Variants in ARCN1 observed in about 807,000 individuals in gnomAD.
The protein encoded by ARCN1 is coatomer subunit delta.
In ARCN1, 5 loss-of-function variants were observed where a neutral mutation model predicts 60.4. The observed-to-expected ratio is 0.08, with a 90% CI of 0.04 to 0.17. The LOEUF (loss-of-function observed/expected upper bound fraction) is 0.17. Ranked by LOEUF, ARCN1 falls within the 10% of genes least tolerant of loss-of-function variation. The pLI, the probability that ARCN1 is intolerant of heterozygous loss-of-function variation, is 1.00. For synonymous variants in ARCN1, 224 were observed against 220.0 expected (o/e 1.02, Z -0.16); for missense variants, 464 against 626.5 (o/e 0.74, Z 2.77).
At chr11:118,581,935 C>CACACACACACACACAA (rs1938661315) in intron 2 of ARCN1, among the ~76,000 whole-genome samples, 1 of 132,042 alleles carries the variant, frequency 7.6e-6, no homozygotes, top group Non-Finnish European at 1.7e-5. Flanking sequence ...GACAGACAGA[C>CACACACACACACACAA]AGACACACAC....
intron 5 of ARCN1, among the ~76,000 whole-genome samples, chr11:118,585,202 A>T (rs1314791913): frequency 1.3e-5 from 2 of 152,064 alleles, no homozygotes; most frequent in Non-Finnish European, 2.9e-5. Context: ...AGCTCAGTTA[A>T]TCTTCCTGCC....
chr11:118,575,411 G>GGTGTGT (rs56934953), intron 1 of ARCN1, among the ~76,000 whole-genome samples: 3,859 of 149,148 alleles, frequency 0.026, 156 homozygotes, highest in African/African-American at 0.084. Flanking sequence ...ACTGATAACG[G>GGTGTGT]GTGTGTGTGT....
intron 6 of ARCN1, among the ~76,000 whole-genome samples, chr11:118,591,387 G>A (rs1938905281): frequency 1.3e-5 from 2 of 152,032 alleles, no homozygotes; most frequent in African/African-American, 4.8e-5. Flanking sequence ...TTTCTGTTTT[G>A]TTTTGTTTTG....
At chr11:118,592,027 TCTC>T (rs1938924588) in intron 6 of ARCN1, among the ~76,000 whole-genome samples, 1 of 151,858 alleles carries the variant, frequency 6.6e-6, no homozygotes, top group South Asian at 2.1e-4. Context: ...TTCAAGCCAT[TCTC>T]CTGCCTCAGC....
At chr11:118,584,418 C>T (rs1938731330) in intron 4 of ARCN1, 62 bp from the exon 5 acceptor site, 5 of 1,463,990 alleles carry the variant, frequency 3.4e-6, no homozygotes, top group Non-Finnish European at 4.6e-6. Context: ...AAATTTTCAT[C>T]AGATCATGTG....
At chr11:118,592,461 A>C (rs1053390160) in intron 6 of ARCN1, among the ~76,000 whole-genome samples, 6 of 152,154 alleles carry the variant, frequency 3.9e-5, no homozygotes, top group Non-Finnish European at 5.9e-5. Flanking sequence ...TTCAGGTGCA[A>C]ACTTGTTCTG....
At chr11:118,573,955 T>G (rs1555072975) in intron 1 of ARCN1, among the ~76,000 whole-genome samples, 4 of 152,250 alleles carry the variant, frequency 2.6e-5, no homozygotes, top group Non-Finnish European at 5.9e-5. Flanking sequence ...GAGCATATTT[T>G]TATTTTAATA....
Position 118,597,787 on chromosome 11 carries a change from G to C in ARCN1, c.1322G>C (p.Cys441Ser). 6.2e-7 allele frequency: 1 copy of C among 1,614,172 alleles called. No individual in the cohort carries two copies. Among genetic ancestry groups the C allele is most frequent in the Non-Finnish European group, 8.5e-7 (1 of 1,180,044 alleles). The part of the protein sequence containing the change: ...HDSRRNTLEW[C>S]LPVIDAKNKS... ...AGTCGACGAAATACCCTGGAGTGGT[G>C]CCTGCCTGTGATTGATGCCAAAAAT... The change falls in exon 9 of 10, where the codon TGC (cysteine) becomes TCC (serine). Residue 441 changes from cysteine (C) to serine (S), a missense_variant. Physicochemically the swap from Cys to Ser is moderately radical, Grantham distance 112 (BLOSUM62 -1). Coordinates refer to ENST00000264028, the MANE Select transcript of ARCN1 (RefSeq NM_001655.5).
intron 1 of ARCN1, among the ~76,000 whole-genome samples, chr11:118,579,292 T>C (rs1938595469): frequency 1.3e-5 from 2 of 152,112 alleles, no homozygotes. Context: ...CAATGTGAAA[T>C]GATCCCAAAT....
chr11:118,576,484 C>G (rs1754447277), intron 1 of ARCN1, among the ~76,000 whole-genome samples: 1 of 148,068 alleles, frequency 6.8e-6, no homozygotes, highest in Non-Finnish European at 1.5e-5. Flanking sequence ...TTAATTCTTC[C>G]TCAGAGAAAA....
chr11:118,582,409 C>A (rs1312722272), intron 2 of ARCN1, among the ~76,000 whole-genome samples: 1 of 152,046 alleles, frequency 6.6e-6, no homozygotes, highest in Non-Finnish European at 1.5e-5. Flanking sequence ...GGATTACAGG[C>A]ATGAGCCGCT....
intron 7 of ARCN1, 78 bp downstream of exon 7, chr11:118,592,934 T>C: frequency 7.2e-7 from 1 of 1,390,182 alleles, no homozygotes; most frequent in South Asian, 1.6e-5. Flanking sequence ...CACTTTTATT[T>C]TTATTACCAT....
At chr11:118,598,712 C>T (rs1939085149) in intron 9 of ARCN1, among the ~76,000 whole-genome samples, 1 of 151,924 alleles carries the variant, frequency 6.6e-6, no homozygotes, top group Non-Finnish European at 1.5e-5. Flanking sequence ...TCAGGCTGGT[C>T]TTGAACTCCC....
At chr11:118,582,254 G>A (rs1171366794) in intron 2 of ARCN1, among the ~76,000 whole-genome samples, 1 of 152,042 alleles carries the variant, frequency 6.6e-6, no homozygotes, top group African/African-American at 2.4e-5. Flanking sequence ...GCAATTTTCT[G>A]GCCTCAGCCT....
chr11:118,592,641 T>C (rs541306820), intron 6 of ARCN1, 68 bp from the exon 7 acceptor site: 29 of 1,313,544 alleles, frequency 2.2e-5, no homozygotes, highest in Non-Finnish European at 2.9e-5. Flanking sequence ...GTGGGCCATA[T>C]AAGCCTAGTG....
intron 6 of ARCN1, among the ~76,000 whole-genome samples, chr11:118,591,714 T>C (rs782799688): frequency 2.0e-5 from 3 of 151,074 alleles, no homozygotes; most frequent in Non-Finnish European, 4.4e-5. Context: ...TTTGTTTTTG[T>C]CTTGTTTTTT....
At chr11:118,591,436 A>C (rs192527199) in intron 6 of ARCN1, among the ~76,000 whole-genome samples, 148 of 152,240 alleles carry the variant, frequency 9.7e-4, no homozygotes, top group African/African-American at 3.3e-3. Context: ...CTGTTGCCCA[A>C]GCTGGAGTTC....
intron 5 of ARCN1, among the ~76,000 whole-genome samples, chr11:118,587,086 A>AT (rs1204164387): frequency 1.3e-5 from 2 of 152,156 alleles, no homozygotes; most frequent in Non-Finnish European, 2.9e-5. Context: ...ATAACAAAAT[A>AT]TTTTTTGTAG....
intron 1 of ARCN1, among the ~76,000 whole-genome samples, chr11:118,579,223 C>G (rs1247525941): frequency 6.6e-6 from 1 of 151,950 alleles, no homozygotes; most frequent in Admixed American, 6.6e-5. Context: ...TTTCTAATAT[C>G]AGCTTGGTTC....
Sources: gnomAD v4.1 joint callset for allele counts (sites outside exome capture counted in the v4.1 genomes callset) on GRCh38, gnomAD v4.1.1 for gene constraint, MANE v1.5 for transcripts, NCBI Gene and HGNC (gene_info 2026-07-23, HGNC 2026-07-21) for gene names.